The following POU6F2 variants were observed in gnomAD, a reference collection of about 807,000 sequenced individuals.
POU6F2 encodes the protein POU class 6 homeobox 2, also known as POU domain, class 6, transcription factor 2.
Under a neutral mutation model 71.3 loss-of-function variants are expected in POU6F2, and 31 were observed. The observed-to-expected ratio is 0.43, with a 90% CI of 0.33 to 0.59. The LOEUF is 0.59. POU6F2 is among the 20% of genes least tolerant of loss of function. The pLI, the probability that POU6F2 is intolerant of heterozygous loss-of-function variation, is 0.04. For missense variants in POU6F2, 783 were observed against 856.8 expected, an observed-to-expected ratio of 0.91 and a Z score of 1.07; for synonymous variants, 347 against 355.7, an observed-to-expected ratio of 0.98 and a Z score of 0.27.
intron 3 of POU6F2, among the ~76,000 whole-genome samples, chr7:39,204,613 C>G (rs142566339): frequency 1.3e-5 from 2 of 151,570 alleles, no homozygotes; most frequent in African/African-American, 4.8e-5. Context: ...CTGTTGGTTA[C>G]CGTGCAGTTT....
chr7:39,085,261 A>C (rs912570247), intron 1 of POU6F2: 1 of 152,186 alleles, frequency 6.6e-6, no homozygotes, highest in African/African-American at 2.4e-5. Context: ...AGTGAAGCCA[A>C]CTTCTAAGGG....
chr7:39,040,305 A>G (rs1790167167), intron 1 of POU6F2, among the ~76,000 whole-genome samples: 1 of 150,298 alleles, frequency 6.7e-6, no homozygotes, highest in Non-Finnish European at 1.5e-5. Context: ...ATCTATCTAT[A>G]TATTTTTAGA....
chr7:39,105,436 T>G lies in POU6F2; in HGVS notation c.277+19405T>G, dbSNP rs1791658627. Among the ~76,000 whole-genome samples the G allele has an allele frequency of 2.4e-4, 17 of 72,336 alleles. No homozygotes were observed. The South Asian group carries it at 8.1e-3, about 35-fold the overall frequency. 47.5% of individuals were successfully genotyped at this position (72,336 alleles called of 152,430 possible). A position where few individuals can be genotyped will look rare whatever the true frequency, so the allele number is the denominator to read the frequency against. On this transcript the variant is annotated intron_variant, in intron 2 of 9. Coordinates refer to ENST00000518318, the MANE Select transcript of POU6F2 (RefSeq NM_001370959.1). The stretch of plus-strand genomic sequence containing the variant: ...TTTAGAATTTTTTTTAACCTCAGGT[T>G]TTTTTTTTTTCCTGGTTTTATCTAA...
intron 4 of POU6F2, among the ~76,000 whole-genome samples, chr7:39,214,729 G>T (rs1373760446): frequency 2.6e-5 from 4 of 151,360 alleles, no homozygotes; most frequent in African/African-American, 9.8e-5. Flanking sequence ...CCAGTAAAGA[G>T]AAGTAAAGAG....
At chr7:39,225,772 C>T (rs1034350428) in intron 4 of POU6F2, among the ~76,000 whole-genome samples, 3 of 152,110 alleles carry the variant, frequency 2.0e-5, no homozygotes, top group Non-Finnish European at 2.9e-5. Flanking sequence ...TGTGAATGTG[C>T]GTGTGTTCTT....
intron 1 of POU6F2, among the ~76,000 whole-genome samples, chr7:39,036,757 T>C (rs1287357686): frequency 6.6e-6 from 1 of 152,058 alleles, no homozygotes; most frequent in Non-Finnish European, 1.5e-5. Context: ...ATATGTCATT[T>C]TATATTTGAC....
At chr7:39,398,446 A>G (rs1438522357) in intron 5 of POU6F2, among the ~76,000 whole-genome samples, 2 of 152,096 alleles carry the variant, frequency 1.3e-5, no homozygotes, top group South Asian at 2.1e-4. Context: ...CAGTTCCTAC[A>G]ATGATCAAAT....
At chr7:39,098,349 C>T (rs974833882) in intron 2 of POU6F2, among the ~76,000 whole-genome samples, 3 of 151,984 alleles carry the variant, frequency 2.0e-5, no homozygotes, top group African/African-American at 4.8e-5. Context: ...ATGATCATGG[C>T]TGCAGCCTCA....
chr7:39,035,973 C>T (rs1790053831), intron 1 of POU6F2, among the ~76,000 whole-genome samples: 1 of 151,952 alleles, frequency 6.6e-6, no homozygotes, highest in African/African-American at 2.4e-5. Context: ...ACATAAGTCA[C>T]AAGTACAGTT....
chr7:39,219,770 T>G (rs1455817700), intron 4 of POU6F2, among the ~76,000 whole-genome samples: 1 of 152,178 alleles, frequency 6.6e-6, no homozygotes, highest in Non-Finnish European at 1.5e-5. Context: ...TGGATTAGGA[T>G]TAGCGCAAAT....
intron 4 of POU6F2, among the ~76,000 whole-genome samples, chr7:39,227,295 G>A (rs1794481996): frequency 6.6e-6 from 1 of 151,678 alleles, no homozygotes; most frequent in African/African-American, 2.4e-5. Flanking sequence ...ATCGAGTTTT[G>A]TTCTTTTGTG....
chr7:38,999,779 C>T (rs1361245521), intron 1 of POU6F2, among the ~76,000 whole-genome samples: 4 of 152,082 alleles, frequency 2.6e-5, no homozygotes, highest in Non-Finnish European at 4.4e-5. Flanking sequence ...ATTTTGAAAG[C>T]CCACTTTTAG....
At chr7:39,336,589 T>A (rs536597181) in intron 4 of POU6F2, among the ~76,000 whole-genome samples, 1 of 152,374 alleles carries the variant, frequency 6.6e-6, no homozygotes, top group African/African-American at 2.4e-5. Flanking sequence ...TAAGCCCTGC[T>A]GCTTCCTTCC....
At chr7:39,403,912 C>T (rs1347107868) in intron 5 of POU6F2, among the ~76,000 whole-genome samples, 1 of 152,242 alleles carries the variant, frequency 6.6e-6, no homozygotes, top group Non-Finnish European at 1.5e-5. Context: ...CTGTGCACAC[C>T]ACACTCCGTG....
chr7:39,194,203 C>A (rs1302447583), intron 2 of POU6F2, among the ~76,000 whole-genome samples: 1 of 152,164 alleles, frequency 6.6e-6, no homozygotes, highest in Non-Finnish European at 1.5e-5. Context: ...TCCAAACAGA[C>A]CAGGGTCCAT....
chr7:39,172,682 G>A (rs1193138916), intron 2 of POU6F2, among the ~76,000 whole-genome samples: 2 of 150,802 alleles, frequency 1.3e-5, no homozygotes, highest in Non-Finnish European at 1.5e-5. Context: ...GTGCAGTGGT[G>A]TGACCTTGAC....
At chr7:39,307,433 G>T (rs1473279342) in intron 4 of POU6F2, among the ~76,000 whole-genome samples, 1 of 152,034 alleles carries the variant, frequency 6.6e-6, no homozygotes, top group Admixed American at 6.6e-5. Context: ...TATCATACTC[G>T]ATAATATTTC....
At chr7:39,062,877 T>G (rs1362503275) in intron 1 of POU6F2, among the ~76,000 whole-genome samples, 3 of 138,624 alleles carry the variant, frequency 2.2e-5, no homozygotes, top group South Asian at 2.5e-4. Context: ...TTGTTTGTTT[T>G]TTACCAAAAA....
chr7:39,131,471 G>T (rs978492389), intron 2 of POU6F2, among the ~76,000 whole-genome samples: 3 of 152,178 alleles, frequency 2.0e-5, no homozygotes, highest in African/African-American at 7.2e-5. Flanking sequence ...GCTGGTCCTC[G>T]CTGCCATCAA....
Sources: allele counts gnomAD v4.1 joint callset (sites outside exome capture counted in the v4.1 genomes callset), GRCh38; gene constraint gnomAD v4.1.1; transcripts MANE v1.5; gene names NCBI Gene and HGNC (gene_info 2026-07-23, HGNC 2026-07-21).